Variants in DUSP22 observed in about 807,000 individuals in gnomAD.
DUSP22 encodes dual specificity protein phosphatase 22.
In DUSP22, 24 loss-of-function variants were observed where a neutral mutation model predicts 24.5. The observed-to-expected ratio is 0.98, with a 90% CI of 0.71 to 1.38. The LOEUF is 1.38. Ranked by LOEUF, DUSP22 falls within the 40% of genes most tolerant of loss-of-function variation. The pLI is 0.00. For synonymous variants in DUSP22, 160 were observed against 106.4 expected (o/e 1.50, Z -3.10); for missense variants, 330 against 269.2 (o/e 1.23, Z -1.58).
intron 4 of DUSP22, among the ~76,000 whole-genome samples, chr6:338,336 T>C (rs1759452518): frequency 6.6e-6 from 1 of 152,296 alleles, no homozygotes; most frequent in African/African-American, 2.4e-5. Flanking sequence ...TTTTACCTGT[T>C]ACAAGTGTTC....
At chr6:328,532 A>G (rs561382070) in intron 3 of DUSP22, among the ~76,000 whole-genome samples, 3 of 152,418 alleles carry the variant, frequency 2.0e-5, no homozygotes, top group East Asian at 3.9e-4. Flanking sequence ...ATGTTGTCTC[A>G]CAGTATCAAA....
chr6:310,524 G>C (rs574725123), intron 2 of DUSP22, among the ~76,000 whole-genome samples: 1 of 152,422 alleles, frequency 6.6e-6, no homozygotes, highest in South Asian at 2.1e-4. Context: ...AGACAGTTCT[G>C]TTTGGAATTT....
At position 349,323 on chromosome 6, in the gene DUSP22, T is replaced by G; in HGVS notation, c.*372T>G. 9.1e-7 allele frequency: 1 copy of G among 1,095,794 alleles called. No homozygotes were observed. The highest frequency in any genetic ancestry group is 1.1e-6 in the Non-Finnish European group (1 of 898,380). The allele number at this position is 1,095,794 out of a possible 1,614,324, so 67.9% of individuals were successfully genotyped here. A position where few individuals can be genotyped will look rare whatever the true frequency, so the allele number is the denominator to read the frequency against. On this transcript the variant is annotated 3_prime_UTR_variant, in exon 7 of 7. Transcript: ENST00000419235. ...TGTGTGTATGTTGTGAAAGTGTCTG[T>G]GCACATGAATGTTTGTGTGTGTGTG...
At chr6:318,294 C>T (rs1232757735) in intron 3 of DUSP22, among the ~76,000 whole-genome samples, 1 of 152,426 alleles carries the variant, frequency 6.6e-6, no homozygotes, top group Non-Finnish European at 1.5e-5. Flanking sequence ...TTGCCATGGT[C>T]AAGCCCCATG....
chr6:333,562 A>G (rs1032976884), intron 3 of DUSP22, among the ~76,000 whole-genome samples: 1 of 152,306 alleles, frequency 6.6e-6, no homozygotes. Flanking sequence ...TGCAGTGAAC[A>G]GATCCTGCTC....
intron 1 of DUSP22, among the ~76,000 whole-genome samples, chr6:304,197 C>G (rs1419349008): frequency 5.9e-5 from 9 of 152,310 alleles, no homozygotes; most frequent in African/African-American, 1.9e-4. Context: ...CGGGGGCCAA[C>G]CCTGGACTTG....
intron 4 of DUSP22, among the ~76,000 whole-genome samples, chr6:345,216 G>GTTT (rs1391950961): frequency 6.1e-5 from 9 of 147,832 alleles, no homozygotes; most frequent in Admixed American, 3.5e-4. Context: ...ATAAATTCTG[G>GTTT]TTTCTTTCTT....
Position 293,533 on chromosome 6 carries a change from C to T in DUSP22, c.21+973C>T, listed in dbSNP as rs111559898. 7.3e-3 allele frequency among the ~76,000 whole-genome samples: 1,114 copies of T among 152,016 alleles called. 1 individual carries two copies. The highest frequency in any genetic ancestry group is 0.026 in the African/African-American group (1,052 of 41,220). ...CTCCACCCACCCACATCTCTACATG[C>T]CGTCAGCTTCCACACTGGGTGGGGA... is the stretch of plus-strand genomic sequence containing the variant. On this transcript the variant is annotated intron_variant, in intron 1 of 6. Transcript: ENST00000419235.
chr6:311,765 T>C, intron 2 of DUSP22, 115 bp from the exon 3 acceptor site: 1 of 1,169,950 alleles, frequency 8.5e-7, no homozygotes, highest in Non-Finnish European at 1.2e-6. Flanking sequence ...GTTATGAAGT[T>C]TCAGGAAAGA....
intron 1 of DUSP22, among the ~76,000 whole-genome samples, chr6:294,453 A>G (rs997137014): frequency 6.6e-6 from 1 of 152,304 alleles, no homozygotes; most frequent in Non-Finnish European, 1.5e-5. Context: ...GATGCGAGCT[A>G]TATATGTAAC....
At chr6:317,950 G>T (rs1758408432) in intron 3 of DUSP22, among the ~76,000 whole-genome samples, 1 of 152,216 alleles carries the variant, frequency 6.6e-6, no homozygotes, top group African/African-American at 2.4e-5. Flanking sequence ...TGAAAGTAGA[G>T]TGGGGTCAAG....
chr6:312,454 T>G (rs113931935), intron 3 of DUSP22, among the ~76,000 whole-genome samples: 107 of 151,776 alleles, frequency 7.0e-4, no homozygotes, highest in African/African-American at 2.5e-3. Flanking sequence ...TAGAAGCTGT[T>G]GTGTTTTAGG....
intron 4 of DUSP22, among the ~76,000 whole-genome samples, chr6:339,877 A>G (rs147395447): frequency 8.5e-5 from 13 of 152,414 alleles, no homozygotes; most frequent in Non-Finnish European, 1.8e-4. Flanking sequence ...CTTTTGCAAG[A>G]TGAGAGCTAG....
At position 348,775 on chromosome 6, in the gene DUSP22, C is replaced by T; in HGVS notation, c.442C>T (p.Gln148Ter). The stretch of plus-strand genomic sequence containing the variant: ...TTGTTTCCATCCTCTCCAGTATCGG[C>T]AGTGGCTGAAGGAAGAATATGGAGA... ...FEKHEVHQYR[Q>*]WLKEEYGESP... Residue 148 changes from glutamine (Q) to a stop codon, truncating the protein, a stop_gained, in exon 7 of 7, where the codon CAG becomes TAG. Coordinates refer to ENST00000419235, the MANE Select transcript of DUSP22 (RefSeq NM_001286555.3). LOFTEE classifies it high-confidence loss of function. The T allele has an allele frequency of 6.2e-7, 1 of 1,614,298 alleles. No homozygotes were observed. Among genetic ancestry groups the T allele is most frequent in the Non-Finnish European group, 8.5e-7 (1 of 1,180,056 alleles).
Position 311,752 on chromosome 6 carries a change from T to C in DUSP22, c.56-128T>C, listed in dbSNP as rs1183069346. On this transcript the variant is annotated intron_variant, in intron 2 of 6. Coordinates refer to ENST00000419235, the MANE Select transcript of DUSP22 (RefSeq NM_001286555.3). ...AGCCCTAAGTTTCCTACATGTATGG[T>C]CAGTTATGAAGTTTCAGGAAAGAAA... 7.2e-6 allele frequency: 7 copies of C among 978,176 alleles called. No homozygotes were observed. The East Asian group carries it at 1.7e-4, about 24-fold the overall frequency. The allele number at this position is 978,176 out of a possible 1,614,324, so 60.6% of individuals were successfully genotyped here. A position where few individuals can be genotyped will look rare whatever the true frequency, so the allele number is the denominator to read the frequency against.
intron 3 of DUSP22, among the ~76,000 whole-genome samples, chr6:320,645 G>A (rs1165371650): frequency 6.6e-6 from 1 of 152,306 alleles, no homozygotes; most frequent in Non-Finnish European, 1.5e-5. Context: ...GAGATTTGGG[G>A]AAGACTTTGT....
chr6:301,170 C>T (rs1402781795), intron 1 of DUSP22, among the ~76,000 whole-genome samples: 1 of 152,252 alleles, frequency 6.6e-6, no homozygotes. Context: ...CCAGGGTATC[C>T]CCAAACCTAG....
chr6:319,324 G>A (rs916619714), intron 3 of DUSP22, among the ~76,000 whole-genome samples: 21 of 152,402 alleles, frequency 1.4e-4, no homozygotes, highest in African/African-American at 4.6e-4. Context: ...GTTTGGCTGC[G>A]CTGTGTTCAT....
In DUSP22 at chr6:311,948, A is replaced by T; in HGVS notation, c.124A>T (p.Arg42Trp). 6.2e-7 allele frequency: 1 copy of T among 1,612,052 alleles called. No individual in the cohort carries two copies. Among genetic ancestry groups the T allele is most frequent in the Non-Finnish European group, 8.5e-7 (1 of 1,178,820 alleles). ...THILSVHDSA[R>W]PMLEGVKYLC... The stretch of plus-strand genomic sequence containing the variant: ...TATTCTGTCTGTCCACGATAGTGCC[A>T]GGCCTATGTTGGAGGTAAGAGAGCA... Residue 42 changes from arginine (R) to tryptophan (W), a missense_variant, in exon 3 of 7, where the codon AGG (arginine) becomes TGG (tryptophan). By Grantham distance (101) the Arg-to-Trp change is moderately radical (BLOSUM62 -3). Transcript: ENST00000419235.
Sources: allele counts gnomAD v4.1 joint callset (sites outside exome capture counted in the v4.1 genomes callset), GRCh38; gene constraint gnomAD v4.1.1; transcripts MANE v1.5; gene names NCBI Gene and HGNC (gene_info 2026-07-23, HGNC 2026-07-21).